Variants in DERL1 observed in about 807,000 individuals in gnomAD.
The protein encoded by DERL1 is derlin-1.
In DERL1, 24 loss-of-function variants were observed where a neutral mutation model predicts 41.6. The ratio of observed to expected loss-of-function variants is 0.58; its 90% CI spans 0.42 to 0.81. The LOEUF (loss-of-function observed/expected upper bound fraction) is 0.81, where lower values mean the gene tolerates loss of function less well. Among genes scored for constraint, DERL1 ranks in the 30% least tolerant of loss-of-function variants. DERL1 has a pLI of 0.00. For synonymous variants in DERL1, 124 were observed against 112.5 expected (o/e 1.10, Z -0.65); for missense variants, 260 against 314.3 (o/e 0.83, Z 1.31).
rs1586476729 is a variant in DERL1 at position 123,042,281 on chromosome 8, C to T, written c.-159G>A. 7.8e-6 allele frequency: 8 copies of T among 1,024,900 alleles called. 1 individual carries two copies. In the East Asian group the frequency reaches 1.8e-4, roughly 23 times the overall value. The allele number at this position is 1,024,900 out of a possible 1,614,324, so 63.5% of individuals were successfully genotyped here. A position where few individuals can be genotyped will look rare whatever the true frequency, so the allele number is the denominator to read the frequency against. On this transcript the variant is annotated 5_prime_UTR_variant, in exon 1 of 8. Coordinates refer to ENST00000259512, the MANE Select transcript of DERL1 (RefSeq NM_024295.6). ...CGGGCGGACGTGGCGCCACCGAATT[C>T]GGACCAGCGAGGCAGCCTTCTGAGG... is the stretch of plus-strand genomic sequence containing the variant.
chr8:123,024,078 T>C (rs556981126), intron 3 of DERL1, among the ~76,000 whole-genome samples: 6 of 152,242 alleles, frequency 3.9e-5, no homozygotes, highest in Non-Finnish European at 8.8e-5. Flanking sequence ...CTAATCTTCA[T>C]TATGCATATT....
chr8:123,028,445 T>C (rs1812751370), intron 2 of DERL1, among the ~76,000 whole-genome samples: 1 of 152,164 alleles, frequency 6.6e-6, no homozygotes, highest in Non-Finnish European at 1.5e-5. Flanking sequence ...TGCCAAAGGC[T>C]GGGAGGAGGG....
chr8:123,032,107 C>T lies in DERL1; in HGVS notation c.154-1391G>A, dbSNP rs114559496. Reference sequence around the variant, plus strand: ...CACGTTTTAAAAACCTGAGCATTTCCTTTATTCATTTGTTTTTCTGGATTT... The same window carrying T: ...CACGTTTTAAAAACCTGAGCATTTCTTTTATTCATTTGTTTTTCTGGATTT... On this transcript the variant is annotated intron_variant, in intron 1 of 7. Transcript: ENST00000259512. Among the ~76,000 whole-genome samples, 965 of 151,840 alleles carry T rather than the reference C, an allele frequency of 6.4e-3. 8 individuals are homozygous for T. Among genetic ancestry groups the T allele is most frequent in the African/African-American group, 0.022 (922 of 41,360 alleles).
At chr8:123,029,269 T>C (rs1812770354) in intron 2 of DERL1, among the ~76,000 whole-genome samples, 2 of 152,168 alleles carry the variant, frequency 1.3e-5, no homozygotes, top group South Asian at 4.1e-4. Flanking sequence ...CAAGTTACTT[T>C]ACTTCCTTGA....
At chr8:123,040,331 T>C (rs558984096) in intron 1 of DERL1, among the ~76,000 whole-genome samples, 1 of 152,274 alleles carries the variant, frequency 6.6e-6, no homozygotes, top group East Asian at 1.9e-4. Flanking sequence ...AAGACGGCAT[T>C]TGGGCAGAGA....
At chr8:123,037,982 T>G (rs1034157926) in intron 1 of DERL1, among the ~76,000 whole-genome samples, 10 of 152,322 alleles carry the variant, frequency 6.6e-5, no homozygotes, top group African/African-American at 2.4e-4. Flanking sequence ...GTGAACTATT[T>G]GATTGATGAA....
chr8:123,024,885 C>A, intron 3 of DERL1, 101 bp downstream of exon 3: 1 of 1,239,470 alleles, frequency 8.1e-7, no homozygotes, highest in Non-Finnish European at 1.1e-6. Flanking sequence ...AACCAAGATG[C>A]AAATATTGTA....
At chr8:123,024,646 A>G (rs1812640981) in intron 3 of DERL1, among the ~76,000 whole-genome samples, 1 of 152,240 alleles carries the variant, frequency 6.6e-6, no homozygotes, top group Non-Finnish European at 1.5e-5. Flanking sequence ...TAAGGACCAC[A>G]GATTTCAAAA....
chr8:123,019,008 G>A (rs1343228390), intron 7 of DERL1, 187 bp downstream of exon 7: 8 of 615,296 alleles, frequency 1.3e-5, no homozygotes, highest in Non-Finnish European at 2.3e-5. Flanking sequence ...TAACAGGAAG[G>A]CAACTGAGCC....
chr8:123,022,873 A>G (rs1440672217), intron 4 of DERL1, 94 bp from the exon 5 acceptor site: 8 of 902,276 alleles, frequency 8.9e-6, no homozygotes, highest in South Asian at 4.2e-5. Flanking sequence ...CTTCACAACA[A>G]TCCTCACCTG....
intron 5 of DERL1, 90 bp from the exon 6 acceptor site, chr8:123,021,589 G>A: frequency 8.7e-7 from 1 of 1,143,824 alleles, no homozygotes; most frequent in Non-Finnish European, 1.3e-6. Flanking sequence ...AGGATACACT[G>A]ACAAGGGCTT....
intron 1 of DERL1, among the ~76,000 whole-genome samples, chr8:123,032,606 G>T (rs1448393470): frequency 6.6e-6 from 1 of 152,224 alleles, no homozygotes; most frequent in African/African-American, 2.4e-5. Flanking sequence ...CTCCAAGAAT[G>T]TAAGTGTTCA....
Position 123,014,813 on chromosome 8 carries a change from G to C in DERL1, c.*634C>G, listed in dbSNP as rs1225321861. ...GTACTTTTTTATAAAAATATCTGAA[G>C]AAGTGGCAAACGGTTACAACGGATG... is the stretch of plus-strand genomic sequence containing the variant. On this transcript the variant is annotated 3_prime_UTR_variant, in exon 8 of 8. Transcript: ENST00000259512. The C allele has an allele frequency of 7.9e-5, 12 of 152,220 alleles. No individual in the cohort carries two copies. The highest frequency in any genetic ancestry group is 5.2e-4 in the Admixed American group (8 of 15,284). The allele number at this position is 152,220 out of a possible 1,614,324, so 9.4% of individuals were successfully genotyped here. A position where few individuals can be genotyped will look rare whatever the true frequency, so the allele number is the denominator to read the frequency against.
At chr8:123,026,156 A>G (rs371713250) in intron 2 of DERL1, among the ~76,000 whole-genome samples, 12 of 152,228 alleles carry the variant, frequency 7.9e-5, no homozygotes, top group African/African-American at 2.9e-4. Context: ...GGTTTCCAGC[A>G]AAAGTGTCTT....
intron 1 of DERL1, 42 bp from the exon 2 acceptor site, chr8:123,030,758 C>T (rs773190653): frequency 7.2e-7 from 1 of 1,387,996 alleles, no homozygotes; most frequent in South Asian, 1.2e-5. Context: ...TTTCTGTAAG[C>T]CTGGTTATTT....
chr8:123,022,651 GA>G (rs781283207), intron 5 of DERL1, 32 bp downstream of exon 5: 4 of 1,596,440 alleles, frequency 2.5e-6, no homozygotes, highest in Non-Finnish European at 3.4e-6. Context: ...GCAGACAAAT[GA>G]AAAGGACACT....
chr8:123,030,870 G>A, intron 1 of DERL1, 154 bp from the exon 2 acceptor site: 1 of 615,564 alleles, frequency 1.6e-6, no homozygotes, highest in Non-Finnish European at 2.9e-6. Context: ...GAAGAAAAGT[G>A]TTCACACCAA....
rs779043698 is a variant in DERL1, at chr8:123,015,411, G to A, written c.*36C>T. On this transcript the variant is annotated 3_prime_UTR_variant, in exon 8 of 8. Transcript: ENST00000259512. ...AGTGCACCCAGCACTGGGAGGAAAT[G>A]TGGCTTGAGAGGAGCGGCTGCCCGA... 4.5e-5 allele frequency: 73 copies of A among 1,604,944 alleles called. No individual in the cohort carries two copies. Among genetic ancestry groups the A allele is most frequent in the Non-Finnish European group, 5.7e-5 (67 of 1,175,114 alleles).
chr8:123,042,073 T>C lies in DERL1; in HGVS notation c.50A>G (p.Tyr17Cys), dbSNP rs777366277. ...CACGGCGACGGTGGCGGCGAACCAA[T>C]AGCGCGTGATCGCCGGGATGCTCCT... ...WFRSIPAITR[Y>C]WFAATVAVPL... The change falls in exon 1 of 8, where the codon TAT becomes TGT. Residue 17 changes from tyrosine (Y) to cysteine (C), a missense_variant. Coordinates refer to ENST00000259512, the MANE Select transcript of DERL1 (RefSeq NM_024295.6). The C allele has an allele frequency of 1.3e-5, 21 of 1,613,716 alleles. No individual in the cohort carries two copies. Among genetic ancestry groups the C allele is most frequent in the East Asian group, 2.2e-5 (1 of 44,872 alleles).
Sources: gnomAD v4.1 joint callset for allele counts (sites outside exome capture counted in the v4.1 genomes callset) on GRCh38, gnomAD v4.1.1 for gene constraint, MANE v1.5 for transcripts, NCBI Gene and HGNC (gene_info 2026-07-23, HGNC 2026-07-21) for gene names.